The following MTHFD2L variants were observed in gnomAD, a reference collection of about 807,000 sequenced individuals.
The protein encoded by MTHFD2L is bifunctional methylenetetrahydrofolate dehydrogenase/cyclohydrolase 2, mitochondrial.
Under a neutral mutation model 34.9 loss-of-function variants are expected in MTHFD2L, and 29 were observed. That is an observed-to-expected ratio of 0.83 (90% CI 0.62 to 1.13). MTHFD2L has a LOEUF of 1.13. Ranked by LOEUF, MTHFD2L falls within the 50% of genes most tolerant of loss-of-function variation. MTHFD2L has a pLI of 0.00. For synonymous variants in MTHFD2L, 167 were observed against 155.7 expected, an observed-to-expected ratio of 1.07 and a Z score of -0.54; for missense variants, 481 against 446.5, an observed-to-expected ratio of 1.08 and a Z score of -0.70.
intron 3 of MTHFD2L, among the ~76,000 whole-genome samples, chr4:74,176,375 T>C (rs1004238968): frequency 6.6e-6 from 1 of 152,066 alleles, no homozygotes; most frequent in Admixed American, 6.6e-5. Context: ...CTCTTGTCTT[T>C]GTTTGCTGTT....
At chr4:74,255,466 T>A (rs1743909195) in intron 6 of MTHFD2L, among the ~76,000 whole-genome samples, 1 of 152,136 alleles carries the variant, frequency 6.6e-6, no homozygotes, top group Non-Finnish European at 1.5e-5. Context: ...TAAGAAAATA[T>A]TTTTTTAAAT....
chr4:74,238,289 T>G (rs150262322), intron 6 of MTHFD2L, among the ~76,000 whole-genome samples: 1 of 152,108 alleles, frequency 6.6e-6, no homozygotes, highest in Non-Finnish European at 1.5e-5. Flanking sequence ...TGTGTATTGG[T>G]ATATATCTGT....
rs574551327 is a variant in MTHFD2L at position 74,261,046 on chromosome 4, C to T, written c.806-20379C>T. 2.1e-4 allele frequency among the ~76,000 whole-genome samples: 32 copies of T among 151,322 alleles called. 1 individual carries two copies. Among genetic ancestry groups the T allele is most frequent in the Admixed American group, 1.5e-3 (23 of 15,222 alleles). On this transcript the variant is annotated intron_variant, in intron 6 of 7. Coordinates refer to ENST00000325278, the MANE Select transcript of MTHFD2L (RefSeq NM_001144978.3). ...TATATATATATACTCTGTTGTAAAA[C>T]ACTAGAATTATTCCCATTTATATAA...
In MTHFD2L at chr4:74,302,718, C is replaced by G. The variant is rs974107772; in HGVS notation, c.*909C>G. On this transcript the variant is annotated 3_prime_UTR_variant, in exon 8 of 8. Transcript: ENST00000325278. ...AACTGTTAATGTTTGTTCACAAATTCAGAAATCTAATAGGAAAACATGATA... is the reference window on the plus strand; with the variant it reads ...AACTGTTAATGTTTGTTCACAAATTGAGAAATCTAATAGGAAAACATGATA... The G allele has an allele frequency of 4.8e-4, 73 of 152,170 alleles. No individual in the cohort carries two copies. The highest frequency in any genetic ancestry group is 1.7e-3 in the African/African-American group (72 of 41,544). The allele number at this position is 152,170 out of a possible 1,614,324, so 9.4% of individuals were successfully genotyped here. A position where few individuals can be genotyped will look rare whatever the true frequency, so the allele number is the denominator to read the frequency against.
rs138971436 is a variant in MTHFD2L at position 74,150,500 on chromosome 4, C to T, written c.-296-9555C>T. 4.8e-3 allele frequency among the ~76,000 whole-genome samples: 736 copies of T among 152,316 alleles called. 19 individuals carry two copies. The highest frequency in any genetic ancestry group is 0.04 in the Admixed American group (608 of 15,304). On this transcript the variant is annotated intron_variant, in intron 1 of 7. Transcript: ENST00000433372. ...AACTGCCGACCTCGGGTGATCCGCC[C>T]GCCTAGGCTTCCCAAAGTCCTGGGA...
upstream of MTHFD2L, among the ~76,000 whole-genome samples, chr4:74,124,531 A>G (rs1721941472): frequency 6.6e-6 from 1 of 151,758 alleles, no homozygotes. Flanking sequence ...ATAGTCAGTG[A>G]GAATCATTTT....
intron 6 of MTHFD2L, among the ~76,000 whole-genome samples, chr4:74,257,364 C>A (rs1744155838): frequency 6.6e-6 from 1 of 152,092 alleles, no homozygotes; most frequent in Non-Finnish European, 1.5e-5. Context: ...GTAAGTTCAA[C>A]TATATTCTGT....
chr4:74,277,630 A>T (rs183011722), intron 6 of MTHFD2L, among the ~76,000 whole-genome samples: 57 of 152,056 alleles, frequency 3.7e-4, no homozygotes, highest in Non-Finnish European at 7.4e-4. Flanking sequence ...GTGGTATATT[A>T]TATTATCCTT....
At chr4:74,294,344 G>C (rs1053312860) in intron 7 of MTHFD2L, among the ~76,000 whole-genome samples, 1 of 152,066 alleles carries the variant, frequency 6.6e-6, no homozygotes, top group Non-Finnish European at 1.5e-5. Flanking sequence ...AGGAATTAGA[G>C]AGTATTCCAA....
At chr4:74,199,111 G>T (rs1290502580) in intron 3 of MTHFD2L, among the ~76,000 whole-genome samples, 1 of 152,002 alleles carries the variant, frequency 6.6e-6, no homozygotes, top group African/African-American at 2.4e-5. Context: ...AGTAATAGGA[G>T]CCTATTTTAT....
intron 1 of MTHFD2L, among the ~76,000 whole-genome samples, chr4:74,152,219 G>C (rs190556798): frequency 6.6e-6 from 1 of 151,698 alleles, no homozygotes; most frequent in Non-Finnish European, 1.5e-5. Context: ...AAAAATACCT[G>C]GGAAATTCCT....
At chr4:74,281,876 A>G (rs1456158114) in intron 7 of MTHFD2L, among the ~76,000 whole-genome samples, 1 of 151,958 alleles carries the variant, frequency 6.6e-6, no homozygotes, top group Non-Finnish European at 1.5e-5. Context: ...ATAGTTTTGA[A>G]TTTTGGGAGT....
chr4:74,156,368 T>C (rs1212080155), upstream of MTHFD2L: 1 of 152,206 alleles, frequency 6.6e-6, no homozygotes, highest in Non-Finnish European at 1.5e-5. Flanking sequence ...CCTTCACTTA[T>C]CAGTATGTAT....
chr4:74,215,244 A>AG (rs1379995117), intron 5 of MTHFD2L, among the ~76,000 whole-genome samples: 1 of 151,738 alleles, frequency 6.6e-6, no homozygotes, highest in African/African-American at 2.4e-5. Flanking sequence ...CTGGGATATG[A>AG]GAAAAAAACT....
upstream of MTHFD2L, among the ~76,000 whole-genome samples, chr4:74,119,962 A>G (rs1721723935): frequency 6.6e-6 from 1 of 152,130 alleles, no homozygotes; most frequent in Non-Finnish European, 1.5e-5. Flanking sequence ...TGTGTTAAAC[A>G]AGACTTTGGA....
At chr4:74,200,044 C>A in intron 4 of MTHFD2L, 98 bp downstream of exon 4, 1 of 1,083,420 alleles carries the variant, frequency 9.2e-7, no homozygotes, top group Non-Finnish European at 1.3e-6. Flanking sequence ...TATAGAGTGA[C>A]AGAAAATCAT....
chr4:74,141,310 G>C (rs1353459255), intron 1 of MTHFD2L, among the ~76,000 whole-genome samples: 1 of 152,198 alleles, frequency 6.6e-6, no homozygotes, highest in African/African-American at 2.4e-5. Flanking sequence ...GATAACATGA[G>C]ATAACAGATG....
intron 5 of MTHFD2L, among the ~76,000 whole-genome samples, chr4:74,208,024 T>G (rs1211860220): frequency 6.6e-6 from 1 of 151,876 alleles, no homozygotes. Context: ...GTGGAGTGGC[T>G]TGGGATGTTT....
intron 6 of MTHFD2L, among the ~76,000 whole-genome samples, chr4:74,254,850 A>G (rs1262691276): frequency 1.3e-5 from 2 of 151,918 alleles, no homozygotes; most frequent in Non-Finnish European, 2.9e-5. Flanking sequence ...GAATTAGTTA[A>G]TTGGCTGGGC....
Sources: allele counts gnomAD v4.1 joint callset (sites outside exome capture counted in the v4.1 genomes callset), GRCh38; gene constraint gnomAD v4.1.1; transcripts MANE v1.5; gene names NCBI Gene and HGNC (gene_info 2026-07-23, HGNC 2026-07-21).